The following WRN variants were observed in gnomAD, a reference collection of about 807,000 sequenced individuals.
The protein encoded by WRN is bifunctional 3'-5' exonuclease/ATP-dependent helicase WRN.
A neutral mutation model predicts 180.7 loss-of-function variants in WRN; 149 were observed. The ratio of observed to expected loss-of-function variants is 0.82; its 90% confidence interval spans 0.72 to 0.94. WRN has a LOEUF of 0.94. Among genes scored for constraint, WRN ranks in the 40% least tolerant of loss-of-function variants. The pLI is 0.00. For missense variants in WRN, 1,661 were observed against 1,700.1 expected (o/e 0.98, Z 0.40); for synonymous variants, 548 against 568.9 (o/e 0.96, Z 0.52).
rs146322642 is a variant in WRN at position 31,036,079 on chromosome 8, T to G, written c.-77+2106T>G. On this transcript the variant is annotated intron_variant, in intron 1 of 34. Transcript: ENST00000298139. ...TACTTACTACCTCAATGACATCAAA[T>G]TTTTTAGCTCCCACATATAAGTGAG... Among the ~76,000 whole-genome samples, 454 of 152,342 alleles carry G rather than the reference T, an allele frequency of 3.0e-3. 2 individuals are homozygous for G. Among genetic ancestry groups the G allele is most frequent in the African/African-American group, 0.01 (428 of 41,564 alleles).
chr8:31,086,015 A>G (rs766615845), intron 11 of WRN, among the ~76,000 whole-genome samples: 1 of 152,038 alleles, frequency 6.6e-6, no homozygotes, highest in Non-Finnish European at 1.5e-5. Context: ...TATTATTGAG[A>G]TTGAAAATAC....
chr8:31,080,838 G>A, intron 8 of WRN, 29 bp from the exon 9 acceptor site: 1 of 1,550,550 alleles, frequency 6.4e-7, no homozygotes, highest in Admixed American at 1.9e-5. Context: ...AATTGAAGTT[G>A]AATTAATCTT....
chr8:31,143,909 A>G (rs932273731), intron 28 of WRN, among the ~76,000 whole-genome samples: 1 of 152,148 alleles, frequency 6.6e-6, no homozygotes, highest in Non-Finnish European at 1.5e-5. Flanking sequence ...AGCTGTTACT[A>G]TTTATCGCCA....
chr8:31,122,964 G>T (rs1801783364), intron 21 of WRN, among the ~76,000 whole-genome samples: 1 of 140,246 alleles, frequency 7.1e-6, no homozygotes, highest in Non-Finnish European at 1.5e-5. Flanking sequence ...GAGGTAGAAA[G>T]AATGAGATTA....
chr8:31,155,579 G>C (rs547735914), intron 32 of WRN, among the ~76,000 whole-genome samples: 11 of 141,410 alleles, frequency 7.8e-5, no homozygotes, highest in Non-Finnish European at 1.5e-4. Context: ...CTGAGATTGC[G>C]ACACTGCATT....
chr8:31,159,876 C>T (rs910966440), intron 33 of WRN, among the ~76,000 whole-genome samples: 2 of 140,854 alleles, frequency 1.4e-5, no homozygotes, highest in Non-Finnish European at 3.0e-5. Context: ...ACTGGGGAGG[C>T]GGAGGTTGCA....
intron 34 of WRN, among the ~76,000 whole-genome samples, chr8:31,169,199 C>G (rs1236394911): frequency 6.6e-6 from 1 of 151,572 alleles, no homozygotes; most frequent in Non-Finnish European, 1.5e-5. Context: ...CTTCATTTCT[C>G]TTTAAATTTT....
At chr8:31,057,363 G>A (rs1812310082) in intron 1 of WRN, among the ~76,000 whole-genome samples, 1 of 151,984 alleles carries the variant, frequency 6.6e-6, no homozygotes, top group Admixed American at 6.6e-5. Flanking sequence ...GAGGTCAGGA[G>A]ATTGAGACCA....
intron 31 of WRN, 90 bp from the exon 32 acceptor site, chr8:31,154,534 T>TACAC (rs1803295387): frequency 2.8e-6 from 4 of 1,452,956 alleles, no homozygotes. Context: ...TAACTTGTGT[T>TACAC]ATTTTTTTCT....
intron 20 of WRN, among the ~76,000 whole-genome samples, chr8:31,119,085 A>G (rs75326289): frequency 0.012 from 1,774 of 152,102 alleles, 30 homozygotes; most frequent in African/African-American, 0.041. Flanking sequence ...GCTTTTACTT[A>G]GTATGATATT....
At position 31,083,753 on chromosome 8, in the gene WRN, G is replaced by A. The variant is rs147669987; in HGVS notation, c.1324G>A (p.Glu442Lys). ...NDTSYVIESD[E>K]DLEMEMLKHL... ...TACGTCCTATGTAATTGAGAGTGAT[G>A]AAGATTTAGAAATGGAGATGCTTAA... is the stretch of plus-strand genomic sequence containing the variant. Residue 442 changes from glutamate (E) to lysine (K), a missense_variant, in exon 10 of 35, where the codon GAA becomes AAA. Around this residue, in one of 3 missense-constraint regions of WRN, gnomAD observed 20 missense variants for 46.7 expected, o/e 0.43. Transcript: ENST00000298139. 1.6e-5 allele frequency: 26 copies of A among 1,606,286 alleles called. No homozygotes were observed. The highest frequency in any genetic ancestry group is 2.2e-5 in the Non-Finnish European group (26 of 1,173,604).
intron 24 of WRN, among the ~76,000 whole-genome samples, chr8:31,133,338 T>C (rs1189406794): frequency 1.3e-5 from 2 of 152,222 alleles, no homozygotes; most frequent in African/African-American, 2.4e-5. Context: ...GAATGTAGAA[T>C]AGGTAAGCAT....
chr8:31,084,276 G>GGT lies in WRN; in HGVS notation c.1350+501_1350+502dup, dbSNP rs1426809368. On this transcript the variant is annotated intron_variant, in intron 10 of 34. Transcript: ENST00000298139. ...GGCCTCCCAAAGTGCTGGGATTACA[G>GGT]GTGTGAGCCACCACACCTGGCCTTG... Among the ~76,000 whole-genome samples the GGT allele has an allele frequency of 2.6e-5, 4 of 152,154 alleles. No homozygotes were observed. The South Asian group carries it at 8.3e-4, about 32-fold the overall frequency.
rs891239300 is a variant in WRN, at chr8:31,150,976, C to T, written c.3687+521C>T. Among the ~76,000 whole-genome samples the T allele has an allele frequency of 4.6e-5, 7 of 152,084 alleles. No individual in the cohort carries two copies. In the South Asian group the frequency reaches 1.4e-3, roughly 31 times the overall value. On this transcript the variant is annotated intron_variant, in intron 31 of 34. Transcript: ENST00000298139. ...TTGTTCTGCCCTAAGTGACCATTTC[C>T]AGAAATGTCATTTAGGATTTTCTCT...
chr8:31,090,931 G>A lies in WRN; in HGVS notation c.1818G>A (p.Val606=), dbSNP rs765298638. The change falls in exon 15 of 35, where the codon GTG becomes GTA. Residue 606 remains valine, a synonymous_variant. Transcript: ENST00000298139. ...SPLISLMEDQ[V]LQLKMSNIPA... ...TTATTTCTCTGATGGAAGACCAAGT[G>A]CTACAGCTTAAGTAAGTCATGTTAT... is the stretch of plus-strand genomic sequence containing the variant. 1.9e-6 allele frequency: 3 copies of A among 1,611,972 alleles called. No homozygotes were observed. The highest frequency in any genetic ancestry group is 2.2e-5 in the East Asian group (1 of 44,770).
At chr8:31,149,076 C>A (rs1802984557) in intron 30 of WRN, among the ~76,000 whole-genome samples, 1 of 152,296 alleles carries the variant, frequency 6.6e-6, no homozygotes, top group Non-Finnish European at 1.5e-5. Flanking sequence ...CACAGTGCTA[C>A]ATCTGACACT....
intron 23 of WRN, among the ~76,000 whole-genome samples, chr8:31,130,170 T>C (rs891989916): frequency 1.9e-5 from 1 of 53,434 alleles, no homozygotes; most frequent in Non-Finnish European, 3.8e-5. Context: ...AAAATTTTAA[T>C]AACAACAACA....
At chr8:31,162,458 A>G (rs941704143) in intron 33 of WRN, among the ~76,000 whole-genome samples, 13 of 152,188 alleles carry the variant, frequency 8.5e-5, no homozygotes, top group Non-Finnish European at 1.5e-5. Flanking sequence ...TGTGATAACA[A>G]TGCCTTCTTC....
Position 31,090,514 on chromosome 8 carries a change from G to A in WRN, c.1702G>A (p.Val568Ile). 1 of 1,612,218 alleles carries A rather than the reference G, an allele frequency of 6.2e-7. No homozygotes were observed. The highest frequency in any genetic ancestry group is 8.5e-7 in the Non-Finnish European group (1 of 1,178,768). ...AGTATTAGAAGAAAGAAGAGATAAT[G>A]TTGCTGTCATGGCAACTGGTAAGTT... is the stretch of plus-strand genomic sequence containing the variant. ...HSVLEERRDN[V>I]AVMATGYGKS... is the part of the protein sequence containing the mutation. The change falls in exon 14 of 35, where the codon GTT becomes ATT. Residue 568 changes from valine (V) to isoleucine (I), a missense_variant. Transcript: ENST00000298139.
Sources: allele counts gnomAD v4.1 joint callset (sites outside exome capture counted in the v4.1 genomes callset), GRCh38; gene constraint gnomAD v4.1.1; regional missense constraint gnomAD v4.1.1; transcripts MANE v1.5; gene names NCBI Gene and HGNC (gene_info 2026-07-23, HGNC 2026-07-21).